Variants in EYA2 observed in about 807,000 individuals in gnomAD.
The protein encoded by EYA2 is protein phosphatase EYA2.
In EYA2, 31 loss-of-function variants were observed where a neutral mutation model predicts 69.2. The ratio of observed to expected loss-of-function variants is 0.45; its 90% CI spans 0.34 to 0.60. The LOEUF is 0.60. Ranked by LOEUF, EYA2 falls within the 20% of genes least tolerant of loss-of-function variation. EYA2 has a pLI of 0.02. For synonymous variants in EYA2, 257 were observed against 279.4 expected (o/e 0.92, Z 0.80); for missense variants, 622 against 701.2 (o/e 0.89, Z 1.28).
chr20:47,028,975 C>T (rs552915790), intron 5 of EYA2, among the ~76,000 whole-genome samples: 1 of 152,206 alleles, frequency 6.6e-6, no homozygotes, highest in African/African-American at 2.4e-5. Flanking sequence ...TAAGAAATTT[C>T]CCAATTAAAA....
At chr20:47,104,567 T>C (rs1159561859) in intron 9 of EYA2, among the ~76,000 whole-genome samples, 1 of 152,242 alleles carries the variant, frequency 6.6e-6, no homozygotes, top group Admixed American at 6.5e-5. Flanking sequence ...ATTTTAGCTC[T>C]TACATTTAGG....
At chr20:47,131,906 A>C (rs1057387040) in intron 9 of EYA2, among the ~76,000 whole-genome samples, 9 of 152,236 alleles carry the variant, frequency 5.9e-5, no homozygotes, top group African/African-American at 2.2e-4. Flanking sequence ...TATGGTGACT[A>C]CACCAGGTTT....
chr20:47,035,230 G>C (rs1229727376), intron 5 of EYA2, among the ~76,000 whole-genome samples: 2 of 152,156 alleles, frequency 1.3e-5, no homozygotes, highest in African/African-American at 4.8e-5. Flanking sequence ...GGTCGGTCAA[G>C]GATCCTGCTG....
intron 1 of EYA2, among the ~76,000 whole-genome samples, chr20:46,909,638 A>G (rs1409122366): frequency 1.3e-5 from 2 of 152,244 alleles, no homozygotes; most frequent in Non-Finnish European, 2.9e-5. Flanking sequence ...GATGCAGGTC[A>G]TGTGCCCATC....
chr20:47,048,793 G>A (rs1317990460), intron 5 of EYA2, among the ~76,000 whole-genome samples: 1 of 152,084 alleles, frequency 6.6e-6, no homozygotes, highest in Non-Finnish European at 1.5e-5. Context: ...ATTATGAAAT[G>A]TGCCAGGCTG....
intron 2 of EYA2, among the ~76,000 whole-genome samples, chr20:46,995,147 C>T (rs1421881365): frequency 5.3e-5 from 8 of 151,098 alleles, no homozygotes; most frequent in Non-Finnish European, 1.0e-4. Flanking sequence ...GTGATGCACT[C>T]GCCTAAGCCT....
intron 9 of EYA2, chr20:47,117,478 T>A (rs567831025): frequency 2.0e-5 from 20 of 985,220 alleles, no homozygotes; most frequent in Non-Finnish European, 2.4e-5. Flanking sequence ...CTCTGCCCTC[T>A]CCGTTCCACC....
chr20:46,967,161 TTTTTGTTTTG>T (rs575217805), intron 1 of EYA2, among the ~76,000 whole-genome samples: 1 of 152,154 alleles, frequency 6.6e-6, no homozygotes. Context: ...ATCCAGCTAA[TTTTTGTTTTG>T]TTTTGTTTTT....
chr20:47,135,818 C>CAAAAAAAAAAAAAA lies in EYA2; in HGVS notation c.889-7231_889-7218dup, dbSNP rs1201324879. Among the ~76,000 whole-genome samples, 86 of 33,106 alleles carry CAAAAAAAAAAAAAA rather than the reference C, an allele frequency of 2.6e-3. 2 individuals are homozygous for CAAAAAAAAAAAAAA. The highest frequency in any genetic ancestry group is 3.6e-3 in the Non-Finnish European group (64 of 18,024). The allele number at this position is 33,106 out of a possible 152,430, so 21.7% of individuals were successfully genotyped here. A position where few individuals can be genotyped will look rare whatever the true frequency, so the allele number is the denominator to read the frequency against. The stretch of plus-strand genomic sequence containing the variant: ...GCAACATAAGGAGACCCTGTCTCTA[C>CAAAAAAAAAAAAAA]AAAAAAAAAAAAAAAAAAAAAAACA... On this transcript the variant is annotated intron_variant, in intron 9 of 15. Coordinates refer to ENST00000327619, the MANE Select transcript of EYA2 (RefSeq NM_005244.5).
intron 5 of EYA2, among the ~76,000 whole-genome samples, chr20:47,033,315 A>G (rs7269367): frequency 0.21 from 31,206 of 152,206 alleles, 3,743 homozygotes; most frequent in African/African-American, 0.33. Context: ...CAAATAGGAA[A>G]AACTTCAGGC....
intron 8 of EYA2, among the ~76,000 whole-genome samples, chr20:47,089,971 G>T (rs920857113): frequency 6.6e-6 from 1 of 152,076 alleles, no homozygotes; most frequent in Non-Finnish European, 1.5e-5. Flanking sequence ...ATATTGATCT[G>T]TGTGGAGGCT....
intron 1 of EYA2, among the ~76,000 whole-genome samples, chr20:46,960,979 C>T (rs973096795): frequency 6.6e-6 from 1 of 152,152 alleles, no homozygotes; most frequent in Non-Finnish European, 1.5e-5. Flanking sequence ...AAGGCTGACT[C>T]CCCACCTCCA....
intron 2 of EYA2, among the ~76,000 whole-genome samples, chr20:47,000,562 G>A (rs1190081721): frequency 6.6e-6 from 1 of 152,256 alleles, no homozygotes; most frequent in African/African-American, 2.4e-5. Flanking sequence ...GGACTCTGCA[G>A]TGAGGACATT....
intron 1 of EYA2, among the ~76,000 whole-genome samples, chr20:46,942,597 A>G (rs566004141): frequency 6.6e-6 from 1 of 152,278 alleles, no homozygotes; most frequent in Admixed American, 6.5e-5. Context: ...CCAGCTTTCG[A>G]GGGATCACAC....
chr20:47,157,551 A>G (rs576449199), intron 10 of EYA2, among the ~76,000 whole-genome samples: 18 of 151,822 alleles, frequency 1.2e-4, no homozygotes, highest in Non-Finnish European at 2.1e-4. Flanking sequence ...AGAGAGATCA[A>G]TAAACAACAT....
At chr20:46,931,342 G>T (rs1413279702) in intron 1 of EYA2, among the ~76,000 whole-genome samples, 1 of 152,206 alleles carries the variant, frequency 6.6e-6, no homozygotes, top group Non-Finnish European at 1.5e-5. Flanking sequence ...ATGTCTTAGA[G>T]GAGGGGCTGG....
At chr20:46,963,615 T>C (rs1979610612) in intron 1 of EYA2, among the ~76,000 whole-genome samples, 1 of 152,258 alleles carries the variant, frequency 6.6e-6, no homozygotes. Flanking sequence ...TGTCCAGGCC[T>C]TATCCCCAGA....
At chr20:47,056,269 C>A (rs963858836) in intron 5 of EYA2, among the ~76,000 whole-genome samples, 1 of 152,118 alleles carries the variant, frequency 6.6e-6, no homozygotes, top group Non-Finnish European at 1.5e-5. Context: ...AGATGTGGAC[C>A]AGGCGTCCTG....
chr20:46,970,711 C>T (rs1398378351), intron 1 of EYA2, among the ~76,000 whole-genome samples: 1 of 152,130 alleles, frequency 6.6e-6, no homozygotes, highest in Non-Finnish European at 1.5e-5. Flanking sequence ...CAGGCGGCTC[C>T]ATGTGTACTG....
Sources: allele counts gnomAD v4.1 joint callset (sites outside exome capture counted in the v4.1 genomes callset), GRCh38; gene constraint gnomAD v4.1.1; transcripts MANE v1.5; gene names NCBI Gene and HGNC (gene_info 2026-07-23, HGNC 2026-07-21).